Variants in ELP4 observed in about 807,000 individuals in gnomAD.
ELP4 encodes elongator complex protein 4.
In ELP4, 51 loss-of-function variants were observed where a neutral mutation model predicts 48.9. The observed-to-expected ratio is 1.04, with a 90% CI of 0.83 to 1.32. The LOEUF is 1.32. Ranked by LOEUF, ELP4 falls within the 40% of genes most tolerant of loss-of-function variation. The pLI is 0.00. For missense variants in ELP4, 519 were observed against 514.6 expected, an observed-to-expected ratio of 1.01 and a Z score of -0.08; for synonymous variants, 210 against 189.2, an observed-to-expected ratio of 1.11 and a Z score of -0.90.
At chr11:31,780,877 G>A (rs1430643267) in intron 9 of ELP4, 1 of 152,202 alleles carries the variant, frequency 6.6e-6, no homozygotes, top group African/African-American at 2.4e-5. Context: ...TAATCGTAAA[G>A]ATATATTGGT....
At chr11:31,511,521 G>C (rs1328641105) in intron 1 of ELP4, 1 of 152,122 alleles carries the variant, frequency 6.6e-6, no homozygotes, top group East Asian at 1.9e-4. Context: ...AAAAAACTGA[G>C]ACAAGAAATT....
chr11:31,596,445 T>C (rs1342415809), intron 4 of ELP4, among the ~76,000 whole-genome samples: 1 of 152,154 alleles, frequency 6.6e-6, no homozygotes, highest in Non-Finnish European at 1.5e-5. Flanking sequence ...GTTTTATACT[T>C]AATTGGTAGT....
At chr11:31,702,378 T>C (rs1946544356) in intron 9 of ELP4, among the ~76,000 whole-genome samples, 1 of 151,812 alleles carries the variant, frequency 6.6e-6, no homozygotes, top group Non-Finnish European at 1.5e-5. Context: ...TTAAAACATG[T>C]CAGGGAGAGG....
At chr11:31,737,821 A>T (rs1335146871) in intron 9 of ELP4, among the ~76,000 whole-genome samples, 1 of 152,202 alleles carries the variant, frequency 6.6e-6, no homozygotes, top group Admixed American at 6.5e-5. Context: ...CAAGGATGGT[A>T]ACTCTTGTGC....
chr11:31,734,292 A>G (rs1947255863), intron 9 of ELP4, among the ~76,000 whole-genome samples: 2 of 152,200 alleles, frequency 1.3e-5, no homozygotes, highest in Admixed American at 6.5e-5. Flanking sequence ...TCTTCCTCTA[A>G]GATCAGGAAC....
At chr11:31,653,749 C>T (rs926656059) in intron 9 of ELP4, 10 of 151,648 alleles carry the variant, frequency 6.6e-5, no homozygotes, top group African/African-American at 2.4e-4. Flanking sequence ...TCAAGTGACC[C>T]GTACACACTG....
At chr11:31,575,934 A>C (rs1162336590) in intron 3 of ELP4, among the ~76,000 whole-genome samples, 2 of 152,234 alleles carry the variant, frequency 1.3e-5, no homozygotes. Context: ...AAATTCACAC[A>C]TAACAAAATT....
At chr11:31,747,128 G>C (rs1362527756) in intron 9 of ELP4, among the ~76,000 whole-genome samples, 1 of 151,960 alleles carries the variant, frequency 6.6e-6, no homozygotes, top group East Asian at 1.9e-4. Context: ...AGATAAAAAT[G>C]GTATAACCTT....
chr11:31,618,202 A>G (rs1324130005), intron 5 of ELP4, among the ~76,000 whole-genome samples: 1 of 152,096 alleles, frequency 6.6e-6, no homozygotes, highest in Non-Finnish European at 1.5e-5. Context: ...TTTAAACATT[A>G]TAGTAAGTGA....
intron 3 of ELP4, among the ~76,000 whole-genome samples, chr11:31,558,610 A>G (rs1003593472): frequency 6.6e-6 from 1 of 152,160 alleles, no homozygotes; most frequent in Non-Finnish European, 1.5e-5. Flanking sequence ...TTACCACTTA[A>G]CTAGCTGCAA....
chr11:31,716,580 A>G (rs544240464), intron 9 of ELP4, among the ~76,000 whole-genome samples: 1 of 152,358 alleles, frequency 6.6e-6, no homozygotes, highest in South Asian at 2.1e-4. Flanking sequence ...GTAGCCCATC[A>G]GTGATCCATT....
chr11:31,734,699 A>G (rs1036043913), intron 9 of ELP4, among the ~76,000 whole-genome samples: 9 of 152,256 alleles, frequency 5.9e-5, no homozygotes, highest in Admixed American at 2.6e-4. Flanking sequence ...AAACACTGCT[A>G]CAAGAAATTA....
intron 5 of ELP4, among the ~76,000 whole-genome samples, chr11:31,615,215 C>G (rs906835095): frequency 6.6e-6 from 1 of 151,970 alleles, no homozygotes; most frequent in Admixed American, 6.6e-5. Flanking sequence ...TTCAAAATTT[C>G]AAAAATTACA....
chr11:31,790,113 A>AAAAAAAAAAAAT lies in ELP4; in HGVS notation c.*6596_*6597insAAAATAAAAAAA. ...ATAGGTTTACAAAAAAAAAAAAAAAAAAAAAAACTAATACTTTCTAACATT... is the reference window on the plus strand; with the variant it reads ...ATAGGTTTACAAAAAAAAAAAAAAAAAAAAAAAAAAATAAAAAAACTAATACTTTCTAACATT... On this transcript the variant is annotated 3_prime_UTR_variant, in exon 10 of 10. Transcript: ENST00000640961. 1 of 793,464 alleles carries AAAAAAAAAAAAT rather than the reference A, an allele frequency of 1.3e-6. No homozygotes were observed. Among genetic ancestry groups the AAAAAAAAAAAAT allele is most frequent in the Non-Finnish European group, 2.0e-6 (1 of 488,602 alleles). The allele number at this position is 793,464 out of a possible 1,614,324, so 49.2% of individuals were successfully genotyped here.
Position 31,520,058 on chromosome 11 carries a change from G to T in ELP4, c.226G>T (p.Gly76Ter). Residue 76 changes from glycine to a stop codon, truncating the protein, a stop_gained and splice_region_variant, in exon 2 of 10, where the codon GGA becomes TGA. Coordinates refer to ENST00000640961, the MANE Select transcript of ELP4 (RefSeq NM_019040.5). LOFTEE classifies it high-confidence loss of function. Reference sequence around the variant, plus strand: ...TTCTGGTTTTGTTTCATTTCCAGGTGGAGGTTTAGCCGTTGGAACAGTTCT... The same window carrying T: ...TTCTGGTTTTGTTTCATTTCCAGGTTGAGGTTTAGCCGTTGGAACAGTTCT... ...GLPALDQLLGGGLAVGTVLLI... is the reference protein window; with the variant it reads ...GLPALDQLLG The T allele has an allele frequency of 6.2e-7, 1 of 1,612,674 alleles. No homozygotes were observed. Among genetic ancestry groups the T allele is most frequent in the Non-Finnish European group, 8.5e-7 (1 of 1,179,456 alleles).
chr11:31,670,279 G>T (rs1196085056), intron 9 of ELP4, among the ~76,000 whole-genome samples: 4 of 152,114 alleles, frequency 2.6e-5, no homozygotes, highest in Admixed American at 6.5e-5. Flanking sequence ...CCTTCAAATT[G>T]AGGGGAGGTG....
rs1171009926 is a variant in ELP4, at chr11:31,790,097, CAAAAAAAA to C, written c.*6589_*6596del. On this transcript the variant is annotated 3_prime_UTR_variant, in exon 10 of 10. Coordinates refer to ENST00000640961, the MANE Select transcript of ELP4 (RefSeq NM_019040.5). Reference sequence around the variant, plus strand: ...CATGGAATACAAATTTATAGGTTTACAAAAAAAAAAAAAAAAAAAAAAACTAATACTTT... The same window carrying C: ...CATGGAATACAAATTTATAGGTTTACAAAAAAAAAAAAAAACTAATACTTT... The C allele has an allele frequency of 1.0e-3, 145 of 145,330 alleles. No homozygotes were observed. The highest frequency in any genetic ancestry group is 5.8e-3 in the East Asian group (30 of 5,198). 9.0% of individuals were successfully genotyped at this position (145,330 alleles called of 1,614,324 possible).
chr11:31,563,575 T>A, intron 3 of ELP4, among the ~76,000 whole-genome samples: 1 of 152,308 alleles, frequency 6.6e-6, no homozygotes, highest in Non-Finnish European at 1.5e-5. Context: ...AATTTTATAA[T>A]TTTATTTCAG....
rs761504367 is a variant in ELP4 at position 31,618,490 on chromosome 11, A to G, written c.654-8620A>G. On this transcript the variant is annotated intron_variant, in intron 5 of 9. Transcript: ENST00000640961. ...GAAAGGACTGAACTCACCCTTTTGT[A>G]CTGGCACCAATCCTGCCCATGATGG... 3.0e-4 allele frequency among the ~76,000 whole-genome samples: 46 copies of G among 152,214 alleles called. No homozygotes were observed. In the Middle Eastern group the frequency reaches 0.01, roughly 34 times the overall value.
Sources: allele counts gnomAD v4.1 joint callset (sites outside exome capture counted in the v4.1 genomes callset), GRCh38; gene constraint gnomAD v4.1.1; transcripts MANE v1.5; gene names NCBI Gene and HGNC (gene_info 2026-07-23, HGNC 2026-07-21).